TMEM178B: variants seen among roughly 807,000 people sequenced by gnomAD.
TMEM178B encodes the protein transmembrane protein 178B.
A neutral mutation model predicts 31.0 loss-of-function variants in TMEM178B; 5 were observed. The ratio of observed to expected loss-of-function variants is 0.16; its 90% CI spans 0.08 to 0.34. The LOEUF is 0.34. Among genes scored for constraint, TMEM178B ranks in the 10% least tolerant of loss-of-function variants. The pLI, the probability that TMEM178B is intolerant of heterozygous loss-of-function variation, is 1.00. For synonymous variants in TMEM178B, 164 were observed against 164.0 expected (o/e 1.00, Z 0.00); for missense variants, 275 against 400.3 (o/e 0.69, Z 2.67).
At chr7:141,338,423 A>AGGGCACTCT (rs1331261751) in intron 2 of TMEM178B, among the ~76,000 whole-genome samples, 1 of 152,154 alleles carries the variant, frequency 6.6e-6, no homozygotes, top group Non-Finnish European at 1.5e-5. Flanking sequence ...TTCGAGCTGG[A>AGGGCACTCT]GGGCACTCTT....
At position 141,428,091 on chromosome 7, in the gene TMEM178B, T is replaced by C. The variant is rs1162907117; in HGVS notation, c.497-9517T>C. Among the ~76,000 whole-genome samples, 2 of 152,042 alleles carry C rather than the reference T, an allele frequency of 1.3e-5. 1 individual carries two copies. The highest frequency in any genetic ancestry group is 4.8e-5 in the African/African-American group (2 of 41,400). On this transcript the variant is annotated intron_variant, in intron 2 of 3. Coordinates refer to ENST00000565468, the MANE Select transcript of TMEM178B (RefSeq NM_001195278.2). The stretch of plus-strand genomic sequence containing the variant: ...GTGATGGCCAGTCAGTTGTTAACTG[T>C]CTCTCTATTAATAAAATAATAATTG...
intron 1 of TMEM178B, among the ~76,000 whole-genome samples, chr7:141,126,496 G>T (rs1362360207): frequency 1.3e-5 from 2 of 152,222 alleles, no homozygotes; most frequent in African/African-American, 2.4e-5. Context: ...TAGAAGTGGA[G>T]ATGTGCTATT....
chr7:141,219,750 T>A lies in TMEM178B; in HGVS notation c.496+7046T>A, dbSNP rs116259660. Among the ~76,000 whole-genome samples, 329 of 152,234 alleles carry A rather than the reference T, an allele frequency of 2.2e-3. 1 individual carries two copies. The highest frequency in any genetic ancestry group is 7.6e-3 in the African/African-American group (315 of 41,534). ...GGCAGAGAACACAAACCCCTTAATG[T>A]GATATTGCACCAAGATCTGTTCTTG... is the stretch of plus-strand genomic sequence containing the variant. On this transcript the variant is annotated intron_variant, in intron 2 of 3. Coordinates refer to ENST00000565468, the MANE Select transcript of TMEM178B (RefSeq NM_001195278.2).
chr7:141,249,982 A>G (rs2366080), intron 2 of TMEM178B, among the ~76,000 whole-genome samples: 66,485 of 152,124 alleles, frequency 0.44, 14,791 homozygotes, highest in East Asian at 0.67. Flanking sequence ...CAAGACCAAC[A>G]TCGTAGAGAT....
At chr7:141,191,153 A>G (rs1377350909) in intron 1 of TMEM178B, among the ~76,000 whole-genome samples, 1 of 152,140 alleles carries the variant, frequency 6.6e-6, no homozygotes, top group African/African-American at 2.4e-5. Context: ...GCTTATTTTC[A>G]TTTAGTTTAT....
intron 2 of TMEM178B, among the ~76,000 whole-genome samples, chr7:141,259,768 G>A (rs989062324): frequency 6.6e-6 from 1 of 152,196 alleles, no homozygotes; most frequent in African/African-American, 2.4e-5. Context: ...ATTGGTCAGA[G>A]GCTATGCCCA....
chr7:141,487,468 G>A, the TMEM178B span, among the ~76,000 whole-genome samples: 4 of 152,080 alleles, frequency 2.6e-5, no homozygotes, highest in South Asian at 2.1e-4. Flanking sequence ...AGCCAGGTGC[G>A]GTGGCTCACA....
intron 2 of TMEM178B, among the ~76,000 whole-genome samples, chr7:141,223,233 G>A (rs952899516): frequency 1.9e-4 from 29 of 151,536 alleles, no homozygotes; most frequent in Non-Finnish European, 1.5e-5. Context: ...AAGAGCTGCG[G>A]TTAGGGTGGA....
intron 1 of TMEM178B, among the ~76,000 whole-genome samples, chr7:141,201,153 C>G (rs115585433): frequency 2.0e-5 from 3 of 152,168 alleles, no homozygotes; most frequent in East Asian, 1.9e-4. Flanking sequence ...GAGGAAACCA[C>G]GTCGGCGCCA....
intron 2 of TMEM178B, among the ~76,000 whole-genome samples, chr7:141,384,082 A>T (rs1800383140): frequency 6.6e-6 from 1 of 151,822 alleles, no homozygotes. Context: ...TTTTTCCTGT[A>T]TATTTGTTTG....
rs1801229255 is a variant in TMEM178B at position 141,422,448 on chromosome 7, A to G, written c.497-15160A>G. ...AATGGAGACTCTTCTTGTTGGTGTGATCGTACGCTAATGGGCAAAGCTGTA... is the reference window on the plus strand; with the variant it reads ...AATGGAGACTCTTCTTGTTGGTGTGGTCGTACGCTAATGGGCAAAGCTGTA... On this transcript the variant is annotated intron_variant, in intron 2 of 3. Transcript: ENST00000565468. This position sits in a 1 kb window ranked among gnomAD's most constrained non-coding sequence, Gnocchi z 4.2. Among the ~76,000 whole-genome samples the G allele has an allele frequency of 1.3e-5, 2 of 152,294 alleles. No individual in the cohort carries two copies. The highest frequency in any genetic ancestry group is 2.1e-4 in the South Asian group (1 of 4,824).
At chr7:141,113,689 G>A (rs1795271887) in intron 1 of TMEM178B, among the ~76,000 whole-genome samples, 1 of 152,120 alleles carries the variant, frequency 6.6e-6, no homozygotes. Context: ...AGTGAGCTGG[G>A]CCGTCCTCAG....
chr7:141,459,824 TAG>T (rs1348241771), intron 3 of TMEM178B, among the ~76,000 whole-genome samples: 2 of 152,044 alleles, frequency 1.3e-5, no homozygotes, highest in African/African-American at 2.4e-5. Flanking sequence ...AGCTTCAGTG[TAG>T]AGTCTTCCAG....
chr7:141,483,128 T>C (rs1802505434), downstream of TMEM178B, among the ~76,000 whole-genome samples: 1 of 152,170 alleles, frequency 6.6e-6, no homozygotes, highest in African/African-American at 2.4e-5. Context: ...GTATTCTAAA[T>C]GATCTATGGA....
In TMEM178B at chr7:141,074,816, C is replaced by T; in HGVS notation, c.382+124C>T. The stretch of plus-strand genomic sequence containing the variant: ...TCTGGGTTCCAGGCGGTCCGGTTAT[C>T]CAGGCCTGGCTGAGCCTCGGGGCCA... On this transcript the variant is annotated intron_variant, in intron 1 of 3. Coordinates refer to ENST00000565468, the MANE Select transcript of TMEM178B (RefSeq NM_001195278.2). The surrounding 1 kb of genome is among the most constrained non-coding windows in gnomAD (Gnocchi z 5.1). 7.5e-7 allele frequency: 1 copy of T among 1,330,232 alleles called. No individual in the cohort carries two copies. The highest frequency in any genetic ancestry group is 9.9e-7 in the Non-Finnish European group (1 of 1,006,288). The allele number at this position is 1,330,232 out of a possible 1,614,324, so 82.4% of individuals were successfully genotyped here. A position where few individuals can be genotyped will look rare whatever the true frequency, so the allele number is the denominator to read the frequency against.
chr7:141,194,365 A>G (rs1796745273), intron 1 of TMEM178B, among the ~76,000 whole-genome samples: 1 of 152,208 alleles, frequency 6.6e-6, no homozygotes, highest in African/African-American at 2.4e-5. Flanking sequence ...AGTATTGGCT[A>G]AAAACAGCCA....
intron 3 of TMEM178B, among the ~76,000 whole-genome samples, chr7:141,454,594 T>C (rs976570957): frequency 2.3e-5 from 3 of 131,178 alleles, no homozygotes; most frequent in South Asian, 2.3e-4. Context: ...CTCTCCTCTC[T>C]CTCCTCTCCT....
intron 2 of TMEM178B, among the ~76,000 whole-genome samples, chr7:141,319,621 CA>C (rs1799064300): frequency 6.6e-6 from 1 of 152,112 alleles, no homozygotes. Context: ...GGCATGATCT[CA>C]GCTTACTGCA....
chr7:141,195,737 A>T (rs888522197), intron 1 of TMEM178B, among the ~76,000 whole-genome samples: 1 of 152,194 alleles, frequency 6.6e-6, no homozygotes, highest in Admixed American at 6.5e-5. Context: ...CACACTGCTG[A>T]TAAAGACATA....
Sources: allele counts gnomAD v4.1 joint callset (sites outside exome capture counted in the v4.1 genomes callset), GRCh38; gene constraint gnomAD v4.1.1; non-coding constraint Gnocchi (gnomAD v3.1); transcripts MANE v1.5; gene names NCBI Gene and HGNC (gene_info 2026-07-23, HGNC 2026-07-21).